Variants in CD28 observed in about 807,000 individuals in gnomAD.
CD28 encodes T-cell-specific surface glycoprotein CD28.
CD28 carries 8 observed loss-of-function variants against 21.4 expected under a neutral mutation model. That is an observed-to-expected ratio of 0.37 (90% CI 0.22 to 0.68). CD28 has a LOEUF of 0.68. CD28 is among the 30% of genes least tolerant of loss of function. The probability of loss-of-function intolerance (pLI) is 0.55; values close to 1 mark genes in which losing one functional copy is unlikely to be tolerated. For missense variants in CD28, 239 were observed against 272.2 expected (o/e 0.88, Z 0.86); for synonymous variants, 106 against 104.0 (o/e 1.02, Z -0.12).
chr2:203,729,158 T>C (rs1693826239), intron 2 of CD28, among the ~76,000 whole-genome samples: 1 of 152,214 alleles, frequency 6.6e-6, no homozygotes, highest in Non-Finnish European at 1.5e-5. Context: ...TTGTTTGTCA[T>C]TATATAATCT....
rs185340867 is a variant in CD28, at chr2:203,736,243, A to T, written c.*1331A>T. 4.3e-4 allele frequency: 66 copies of T among 152,774 alleles called. No homozygotes were observed. The highest frequency in any genetic ancestry group is 1.5e-3 in the African/African-American group (62 of 41,570). The allele number at this position is 152,774 out of a possible 1,614,324, so 9.5% of individuals were successfully genotyped here. On this transcript the variant is annotated 3_prime_UTR_variant, in exon 4 of 4. Transcript: ENST00000324106. ...CTGTGAAAAAGGGATGTTAGCATTC[A>T]TTAGAGTATGAGGATGAGTCCCAAG... is the stretch of plus-strand genomic sequence containing the variant.
intron 1 of CD28, among the ~76,000 whole-genome samples, chr2:203,718,915 ATTAC>A (rs1182446986): frequency 6.6e-6 from 1 of 152,226 alleles, no homozygotes; most frequent in Non-Finnish European, 1.5e-5. Context: ...TGGTATAATT[ATTAC>A]TTGTGCATCA....
intron 1 of CD28, among the ~76,000 whole-genome samples, chr2:203,708,946 C>T (rs1017342278): frequency 1.8e-4 from 27 of 151,996 alleles, no homozygotes; most frequent in Non-Finnish European, 3.5e-4. Context: ...ATGGTGAAAT[C>T]CCATCTCTAC....
chr2:203,709,595 C>T (rs774079151), intron 1 of CD28, among the ~76,000 whole-genome samples: 1 of 152,118 alleles, frequency 6.6e-6, no homozygotes, highest in South Asian at 2.1e-4. Context: ...CTACTAGACT[C>T]GGATAATTGT....
At chr2:203,724,702 T>G (rs2106118412) in intron 1 of CD28, among the ~76,000 whole-genome samples, 1 of 152,256 alleles carries the variant, frequency 6.6e-6, no homozygotes, top group African/African-American at 2.4e-5. Context: ...ATTGATTATA[T>G]AGGAGACAAA....
chr2:203,727,016 A>G, intron 2 of CD28, 27 bp downstream of exon 2: 1 of 1,369,866 alleles, frequency 7.3e-7, no homozygotes. Flanking sequence ...CCAGTGTACC[A>G]CCCTAAAGTA....
At chr2:203,706,831 T>C in intron 1 of CD28, 83 bp downstream of exon 1, 1 of 1,084,510 alleles carries the variant, frequency 9.2e-7, no homozygotes, top group Non-Finnish European at 1.4e-6. Context: ...TTTCTAACAA[T>C]GTGTGAAATT....
At chr2:203,734,520 A>G (rs1693974733) in intron 3 of CD28, among the ~76,000 whole-genome samples, 1 of 152,240 alleles carries the variant, frequency 6.6e-6, no homozygotes, top group Admixed American at 6.5e-5. Context: ...ATTAGTGTGC[A>G]TTTTTAATTC....
intron 2 of CD28, 67 bp downstream of exon 2, chr2:203,727,056 G>A: frequency 1.0e-6 from 1 of 997,156 alleles, no homozygotes; most frequent in South Asian, 1.4e-5. Flanking sequence ...CTGAAAACTG[G>A]GTTGTGGTCA....
chr2:203,727,726 CT>C (rs1203925062), intron 2 of CD28, among the ~76,000 whole-genome samples: 5 of 151,202 alleles, frequency 3.3e-5, no homozygotes, highest in Non-Finnish European at 7.4e-5. Context: ...GTCGCCCAGG[CT>C]GGAATGCGGT....
chr2:203,721,477 G>C (rs541295727), intron 1 of CD28, among the ~76,000 whole-genome samples: 1 of 151,860 alleles, frequency 6.6e-6, no homozygotes, highest in South Asian at 2.1e-4. Context: ...CATCTCCCTT[G>C]CCCAGACTAC....
intron 1 of CD28, among the ~76,000 whole-genome samples, chr2:203,716,364 C>T (rs539788850): frequency 1.3e-5 from 2 of 152,262 alleles, no homozygotes; most frequent in East Asian, 3.9e-4. Context: ...TCATGTACCA[C>T]GGATGGCTTC....
chr2:203,713,060 G>A (rs1693359917), intron 1 of CD28, among the ~76,000 whole-genome samples: 1 of 152,190 alleles, frequency 6.6e-6, no homozygotes, highest in Non-Finnish European at 1.5e-5. Flanking sequence ...CCAATGCTGT[G>A]TTGTCTCAGG....
intron 1 of CD28, among the ~76,000 whole-genome samples, chr2:203,715,940 C>T (rs1236753476): frequency 6.6e-6 from 1 of 152,134 alleles, no homozygotes; most frequent in Non-Finnish European, 1.5e-5. Flanking sequence ...CATCAGCCTC[C>T]TGATTGGTCT....
intron 1 of CD28, among the ~76,000 whole-genome samples, chr2:203,707,818 A>G (rs1237743206): frequency 2.6e-5 from 4 of 152,200 alleles, no homozygotes; most frequent in Non-Finnish European, 4.4e-5. Context: ...ATGCTATTCC[A>G]TCTAACATGG....
In CD28 at chr2:203,734,836, CCCG is replaced by C; in HGVS notation, c.593_595del (p.Arg198del). The C allele has an allele frequency of 6.2e-7, 1 of 1,614,160 alleles. No individual in the cohort carries two copies. Among genetic ancestry groups the C allele is most frequent in the Non-Finnish European group, 8.5e-7 (1 of 1,180,024 alleles). ...CACAGTGACTACATGAACATGACTC[CCCG>C]CCGCCCCGGGCCCACCCGCAAGCAT... On this transcript the variant is annotated inframe_deletion, in exon 4 of 4. Coordinates refer to ENST00000324106, the MANE Select transcript of CD28 (RefSeq NM_006139.4).
chr2:203,734,863 A>G lies in CD28; in HGVS notation c.614A>G (p.His205Arg), dbSNP rs769098383. 4.3e-6 allele frequency: 7 copies of G among 1,614,188 alleles called. No homozygotes were observed. Among genetic ancestry groups the G allele is most frequent in the South Asian group, 1.1e-5 (1 of 91,082 alleles). Reference protein sequence around the residue: ...TPRRPGPTRKHYQPYAPPRDF... With the variant: ...TPRRPGPTRKRYQPYAPPRDF... The stretch of plus-strand genomic sequence containing the variant: ...CGCCGCCCCGGGCCCACCCGCAAGC[A>G]TTACCAGCCCTATGCCCCACCACGC... Residue 205 changes from histidine (H) to arginine (R), a missense_variant, in exon 4 of 4, where the codon CAT becomes CGT. Around this residue, in one of 3 missense-constraint regions of CD28, gnomAD observed 112 missense variants for 112.8 expected, o/e 0.99. Transcript: ENST00000324106.
Position 203,737,304 on chromosome 2 carries a change from C to T in CD28, c.*2392C>T, listed in dbSNP as rs1480089286. Reference sequence around the variant, plus strand: ...GGTGCTGAAGAACTGTTGGATTTACCCTGGCACGTGTGCCACTTGCCAGCT... The same window carrying T: ...GGTGCTGAAGAACTGTTGGATTTACTCTGGCACGTGTGCCACTTGCCAGCT... On this transcript the variant is annotated 3_prime_UTR_variant, in exon 4 of 4. Transcript: ENST00000324106. The T allele has an allele frequency of 6.6e-6, 1 of 152,120 alleles. No individual in the cohort carries two copies. Among genetic ancestry groups the T allele is most frequent in the Non-Finnish European group, 1.5e-5 (1 of 68,024 alleles). The allele number at this position is 152,120 out of a possible 1,614,324, so 9.4% of individuals were successfully genotyped here.
chr2:203,709,325 A>T (rs1353776012), intron 1 of CD28, among the ~76,000 whole-genome samples: 1 of 152,108 alleles, frequency 6.6e-6, no homozygotes, highest in Non-Finnish European at 1.5e-5. Flanking sequence ...TATGTATATG[A>T]AGAATAGTTC....
Sources: allele counts gnomAD v4.1 joint callset (sites outside exome capture counted in the v4.1 genomes callset), GRCh38; gene constraint gnomAD v4.1.1; regional missense constraint gnomAD v4.1.1; transcripts MANE v1.5; gene names NCBI Gene and HGNC (gene_info 2026-07-23, HGNC 2026-07-21).